OPCML: variants seen among roughly 807,000 people sequenced by gnomAD.
OPCML encodes opioid-binding protein/cell adhesion molecule.
OPCML carries 13 observed loss-of-function variants against 37.8 expected under a neutral mutation model. The observed-to-expected ratio is 0.34, with a 90% CI of 0.22 to 0.55. The LOEUF is 0.55. Among genes scored for constraint, OPCML ranks in the 20% least tolerant of loss-of-function variants. OPCML has a pLI of 0.91. For synonymous variants in OPCML, 176 were observed against 168.8 expected (o/e 1.04, Z -0.33); for missense variants, 341 against 435.6 (o/e 0.78, Z 1.93).
At position 132,476,517 on chromosome 11, in the gene OPCML, AG is replaced by A. The variant is rs1349154190; in HGVS notation, c.506-39159del. Among the ~76,000 whole-genome samples, 19 of 152,346 alleles carry A rather than the reference AG, an allele frequency of 1.2e-4. No homozygotes were observed. The South Asian group carries it at 2.7e-3, about 22-fold the overall frequency. On this transcript the variant is annotated intron_variant, in intron 4 of 7. Transcript: ENST00000524381. ...ATGGAATACTATGCGGCCATAAAAA[AG>A]GATGAGTTCATGTCCTTTGTAGGGA... is the stretch of plus-strand genomic sequence containing the variant.
intron 4 of OPCML, among the ~76,000 whole-genome samples, chr11:132,437,975 G>A (rs2136750914): frequency 6.6e-6 from 1 of 152,328 alleles, no homozygotes; most frequent in South Asian, 2.1e-4. Context: ...TGCTCAATAA[G>A]CATTGGCCAA....
chr11:132,598,207 C>T (rs1338864322), intron 3 of OPCML, among the ~76,000 whole-genome samples: 5 of 152,110 alleles, frequency 3.3e-5, no homozygotes. Context: ...CTTCCATCCC[C>T]GTATTAGCAA....
chr11:132,786,009 G>A (rs1367853706), intron 2 of OPCML, among the ~76,000 whole-genome samples: 1 of 152,166 alleles, frequency 6.6e-6, no homozygotes, highest in Non-Finnish European at 1.5e-5. Flanking sequence ...GTGGACAATG[G>A]CAGATAATAT....
chr11:132,910,804 T>C (rs1244253277), intron 2 of OPCML, among the ~76,000 whole-genome samples: 1 of 152,250 alleles, frequency 6.6e-6, no homozygotes, highest in South Asian at 2.1e-4. Context: ...TGCAACTCAA[T>C]TGCTGTTTCC....
chr11:133,117,676 A>T (rs1949357564), intron 1 of OPCML: 1 of 563,298 alleles, frequency 1.8e-6, no homozygotes, highest in African/African-American at 2.0e-5. Flanking sequence ...CCTTGGGCTC[A>T]GAGTGACCAG....
At chr11:133,008,736 T>C in intron 1 of OPCML, 1 of 294,958 alleles carries the variant, frequency 3.4e-6, no homozygotes, top group Non-Finnish European at 5.0e-6. Flanking sequence ...GCCTCTGATA[T>C]GACTGCAACA....
Position 132,609,964 on chromosome 11 carries a change from G to A in OPCML, c.379+47123C>T, listed in dbSNP as rs557184986. On this transcript the variant is annotated intron_variant, in intron 3 of 7. Coordinates refer to ENST00000524381, the MANE Select transcript of OPCML (RefSeq NM_001012393.5). ...TATTCTTTTCCTTGTACTGACATTT[G>A]TCTGTCTCTCTAATAACCATCACAC... Among the ~76,000 whole-genome samples the A allele has an allele frequency of 4.0e-5, 6 of 151,052 alleles. 1 individual carries two copies. The South Asian group carries it at 1.3e-3, about 32-fold the overall frequency.
In OPCML at chr11:132,529,188, T is replaced by C. The variant is rs2096316938; in HGVS notation, c.380-2A>G. The C allele has an allele frequency of 1.2e-6, 2 of 1,607,580 alleles. No homozygotes were observed. Among genetic ancestry groups the C allele is most frequent in the Admixed American group, 1.7e-5 (1 of 59,336 alleles). On this transcript the variant is annotated splice_acceptor_variant, in intron 3 of 7. Transcript: ENST00000524381. LOFTEE classifies it high-confidence loss of function. ...AGATATTCATGATCTGAGGAGGAAC[T>C]GTAAGGAAACAGGATAGAAGAAATA...
chr11:132,949,140 G>C (rs1258833982), intron 1 of OPCML, among the ~76,000 whole-genome samples: 1 of 152,204 alleles, frequency 6.6e-6, no homozygotes, highest in Admixed American at 6.5e-5. Flanking sequence ...GAAACTGACA[G>C]GTAGTATCTG....
intron 7 of OPCML, among the ~76,000 whole-genome samples, chr11:132,421,752 G>A (rs1273898469): frequency 6.6e-6 from 1 of 152,162 alleles, no homozygotes; most frequent in Non-Finnish European, 1.5e-5. Flanking sequence ...ACATGTTAAT[G>A]TCCCAGAGGA....
intron 1 of OPCML, among the ~76,000 whole-genome samples, chr11:133,197,885 T>C (rs912232077): frequency 6.6e-6 from 1 of 152,096 alleles, no homozygotes; most frequent in Non-Finnish European, 1.5e-5. Flanking sequence ...CAGGCATATA[T>C]CTGGGACGTT....
intron 1 of OPCML, among the ~76,000 whole-genome samples, chr11:133,056,897 G>A (rs1449697306): frequency 3.9e-5 from 6 of 152,186 alleles, no homozygotes; most frequent in Admixed American, 3.9e-4. Flanking sequence ...AGGCTGGAGT[G>A]CAATGATGCA....
intron 2 of OPCML, among the ~76,000 whole-genome samples, chr11:132,768,596 G>A (rs553680127): frequency 8.5e-5 from 13 of 152,306 alleles, no homozygotes; most frequent in African/African-American, 2.4e-4. Context: ...TTCGGTCTCC[G>A]AATGCTTGCA....
intron 3 of OPCML, among the ~76,000 whole-genome samples, chr11:132,630,833 C>T (rs1426251984): frequency 6.6e-6 from 1 of 152,120 alleles, no homozygotes. Flanking sequence ...ATAACAGATT[C>T]ATTCATTTTT....
intron 1 of OPCML, among the ~76,000 whole-genome samples, chr11:133,120,845 C>A (rs75173820): frequency 0.015 from 2,228 of 152,250 alleles, 56 homozygotes; most frequent in African/African-American, 0.05. Context: ...TTCCAATGGC[C>A]AGGAAGATAC....
chr11:133,203,091 G>A (rs768331853), intron 1 of OPCML, among the ~76,000 whole-genome samples: 13 of 152,216 alleles, frequency 8.5e-5, no homozygotes, highest in Non-Finnish European at 1.5e-4. Context: ...GAGGTTCAGA[G>A]AGATGATAAG....
intron 2 of OPCML, among the ~76,000 whole-genome samples, chr11:132,855,215 A>G (rs1565913160): frequency 6.6e-6 from 1 of 152,150 alleles, no homozygotes; most frequent in Non-Finnish European, 1.5e-5. Flanking sequence ...GCATTCTGGT[A>G]ACTGACTGAC....
intron 1 of OPCML, among the ~76,000 whole-genome samples, chr11:133,124,940 T>C (rs1253293181): frequency 6.6e-6 from 1 of 152,140 alleles, no homozygotes; most frequent in Non-Finnish European, 1.5e-5. Context: ...GTCACTTCTT[T>C]CCTGTGTGTA....
At chr11:133,192,042 A>G (rs917900520) in intron 1 of OPCML, among the ~76,000 whole-genome samples, 3 of 152,184 alleles carry the variant, frequency 2.0e-5, no homozygotes, top group Admixed American at 6.5e-5. Context: ...AGGTACAGTA[A>G]AAAAAGAACA....
Sources: allele counts gnomAD v4.1 joint callset (sites outside exome capture counted in the v4.1 genomes callset), GRCh38; gene constraint gnomAD v4.1.1; transcripts MANE v1.5; gene names NCBI Gene and HGNC (gene_info 2026-07-23, HGNC 2026-07-21).